CADPS: variants seen among roughly 807,000 people sequenced by gnomAD.
The protein encoded by CADPS is calcium-dependent secretion activator 1.
A neutral mutation model predicts 167.3 loss-of-function variants in CADPS; 57 were observed. The ratio of observed to expected loss-of-function variants is 0.34; its 90% confidence interval spans 0.28 to 0.42. CADPS has a LOEUF of 0.42. Ranked by LOEUF, CADPS falls within the 20% of genes least tolerant of loss-of-function variation. CADPS has a pLI of 1.00. For missense variants in CADPS, 1,414 were observed against 1,738.1 expected (o/e 0.81, Z 3.32); for synonymous variants, 676 against 635.3 (o/e 1.06, Z -0.96).
At chr3:62,434,315 T>C (rs1165121094) in intron 28 of CADPS, among the ~76,000 whole-genome samples, 2 of 152,188 alleles carry the variant, frequency 1.3e-5, no homozygotes, top group Non-Finnish European at 2.9e-5. Context: ...ATCTGAAATA[T>C]TATGGGAAAC....
At chr3:62,408,182 C>T (rs2048275566) in intron 28 of CADPS, among the ~76,000 whole-genome samples, 1 of 152,150 alleles carries the variant, frequency 6.6e-6, no homozygotes, top group African/African-American at 2.4e-5. Context: ...AATCCTTAAA[C>T]ATAAAATATT....
chr3:62,641,260 G>A (rs902232422), intron 6 of CADPS, among the ~76,000 whole-genome samples: 1 of 152,132 alleles, frequency 6.6e-6, no homozygotes, highest in Non-Finnish European at 1.5e-5. Context: ...TGAGACCTGT[G>A]GAGGTGTTAA....
intron 3 of CADPS, among the ~76,000 whole-genome samples, chr3:62,740,528 C>A (rs1046440949): frequency 6.6e-6 from 1 of 152,144 alleles, no homozygotes; most frequent in Non-Finnish European, 1.5e-5. Flanking sequence ...AAAGAAGATA[C>A]CAGACATCTC....
chr3:62,719,852 G>A (rs900892310), intron 3 of CADPS, among the ~76,000 whole-genome samples: 12 of 152,134 alleles, frequency 7.9e-5, no homozygotes, highest in African/African-American at 2.7e-4. Context: ...GATTTGGTGG[G>A]GTTACACGAC....
In CADPS at chr3:62,474,279, C is replaced by T. The variant is rs778256058; in HGVS notation, c.3371G>A (p.Arg1124Gln). 4 of 1,609,814 alleles carry T rather than the reference C, an allele frequency of 2.5e-6. No homozygotes were observed. The highest frequency in any genetic ancestry group is 3.4e-6 in the Non-Finnish European group (4 of 1,178,892). The part of the protein sequence containing the change: ...AFEVKLQKTS[R>Q]STDFRVPQSI... ...CTGTGGGACTCGAAAATCTGTTGAT[C>T]GACTGGTTTTTTGCAGCTTAACTTC... Residue 1124 changes from arginine (R) to glutamine (Q), a missense_variant, in exon 24 of 30, where the codon CGA (arginine) becomes CAA (glutamine). Physicochemically the swap from Arg to Gln is conservative, Grantham distance 43. Transcript: ENST00000383710.
At chr3:62,691,887 G>T (rs1248915152) in intron 3 of CADPS, among the ~76,000 whole-genome samples, 1 of 151,920 alleles carries the variant, frequency 6.6e-6, no homozygotes, top group Middle Eastern at 3.2e-3. Context: ...ACATTTACCT[G>T]TGGAACAAAC....
At chr3:62,415,052 C>A (rs1247992055) in intron 28 of CADPS, among the ~76,000 whole-genome samples, 1 of 152,158 alleles carries the variant, frequency 6.6e-6, no homozygotes, top group Admixed American at 6.5e-5. Context: ...CAGCTGGTGG[C>A]CCGAGGCACA....
intron 4 of CADPS, among the ~76,000 whole-genome samples, chr3:62,654,977 A>G (rs1296481259): frequency 1.3e-5 from 2 of 152,054 alleles, no homozygotes; most frequent in South Asian, 2.1e-4. Flanking sequence ...CAGTCCTGAG[A>G]TTTTTTTAGG....
chr3:62,426,614 T>A lies in CADPS; in HGVS notation c.3777+11490A>T, dbSNP rs551406286. On this transcript the variant is annotated intron_variant, in intron 28 of 29. Coordinates refer to ENST00000383710, the MANE Select transcript of CADPS (RefSeq NM_003716.4). ...GCTACCTACTGTTTTTATCCACTTT[T>A]TTTACAGAAAAGAAAATTGAGTCTT... 3.9e-5 allele frequency among the ~76,000 whole-genome samples: 6 copies of A among 152,336 alleles called. No individual in the cohort carries two copies. The South Asian group carries it at 1.2e-3, about 32-fold the overall frequency.
intron 1 of CADPS, among the ~76,000 whole-genome samples, chr3:62,797,016 C>G (rs79922038): frequency 6.6e-6 from 1 of 152,150 alleles, no homozygotes; most frequent in African/African-American, 2.4e-5. Flanking sequence ...ATTTTACCAA[C>G]TGCATATTTT....
chr3:62,776,470 C>A (rs961459748), intron 1 of CADPS, among the ~76,000 whole-genome samples: 1 of 152,084 alleles, frequency 6.6e-6, no homozygotes, highest in African/African-American at 2.4e-5. Flanking sequence ...CTGGCTAACA[C>A]GGTGAAACCC....
At chr3:62,590,966 T>C (rs914106015) in intron 7 of CADPS, among the ~76,000 whole-genome samples, 1 of 152,274 alleles carries the variant, frequency 6.6e-6, no homozygotes, top group East Asian at 1.9e-4. Context: ...GTGATTCTCC[T>C]GCCTCAGCCT....
intron 17 of CADPS, among the ~76,000 whole-genome samples, chr3:62,508,357 G>A (rs2067071172): frequency 6.6e-6 from 1 of 152,112 alleles, no homozygotes; most frequent in African/African-American, 2.4e-5. Context: ...CCTCTTTTGT[G>A]TTATACAGTT....
chr3:62,647,614 C>T (rs1268544067), intron 5 of CADPS, among the ~76,000 whole-genome samples: 1 of 152,128 alleles, frequency 6.6e-6, no homozygotes, highest in Non-Finnish European at 1.5e-5. Context: ...AAATATGTAT[C>T]CCGTGGCTGT....
chr3:62,562,366 G>T (rs1302028272), intron 9 of CADPS, among the ~76,000 whole-genome samples: 2 of 152,170 alleles, frequency 1.3e-5, no homozygotes, highest in African/African-American at 4.8e-5. Context: ...TGCAGAACTG[G>T]ATTTGGTTTT....
At position 62,514,555 on chromosome 3, in the gene CADPS, C is replaced by T. The variant is rs574403123; in HGVS notation, c.2581+1504G>A. 6.6e-6 allele frequency among the ~76,000 whole-genome samples: 1 copy of T among 152,160 alleles called. No homozygotes were observed. Among genetic ancestry groups the T allele is most frequent in the East Asian group, 1.9e-4 (1 of 5,176 alleles). ...TTAACACAACCAAGAAGAATTGAGG[C>T]ACAAAAGGAAATTACAGACCAGCTG... On this transcript the variant is annotated intron_variant, in intron 16 of 29. Transcript: ENST00000383710. This position sits in a 1 kb window ranked among gnomAD's most constrained non-coding sequence, Gnocchi z 4.2.
chr3:62,470,984 A>G (rs2060537017), intron 24 of CADPS, among the ~76,000 whole-genome samples: 1 of 152,242 alleles, frequency 6.6e-6, no homozygotes, highest in African/African-American at 2.4e-5. Flanking sequence ...AGAAAGAAAT[A>G]GACACTGCTG....
rs368560180 is a variant in CADPS at position 62,421,232 on chromosome 3, C to T, written c.3777+16872G>A. Among the ~76,000 whole-genome samples the T allele has an allele frequency of 9.2e-5, 14 of 152,174 alleles. No individual in the cohort carries two copies. The East Asian group carries it at 1.2e-3, about 13-fold the overall frequency. On this transcript the variant is annotated intron_variant, in intron 28 of 29. Coordinates refer to ENST00000383710, the MANE Select transcript of CADPS (RefSeq NM_003716.4). The surrounding 1 kb of genome is among the most constrained non-coding windows in gnomAD (Gnocchi z 4.7). ...CTTCTCGTCCACAAGGCTCCCTCCC[C>T]CTTCCTCCCCACACCCCCCACCCTT...
chr3:62,755,615 T>A (rs556472063), intron 2 of CADPS, among the ~76,000 whole-genome samples: 68 of 152,198 alleles, frequency 4.5e-4, no homozygotes, highest in Non-Finnish European at 7.5e-4. Flanking sequence ...TGTTTTTTTT[T>A]AAAAAGGCTC....
Sources: allele counts gnomAD v4.1 joint callset (sites outside exome capture counted in the v4.1 genomes callset), GRCh38; gene constraint gnomAD v4.1.1; non-coding constraint Gnocchi (gnomAD v3.1); transcripts MANE v1.5; gene names NCBI Gene and HGNC (gene_info 2026-07-23, HGNC 2026-07-21).